The following INTS1 variants were observed in gnomAD, a reference collection of about 807,000 sequenced individuals.
INTS1 encodes integrator complex subunit 1.
Under a neutral mutation model 241.6 loss-of-function variants are expected in INTS1, and 137 were observed. That is an observed-to-expected ratio of 0.57 (90% confidence interval 0.49 to 0.65). The LOEUF is 0.65. Among genes scored for constraint, INTS1 ranks in the 30% least tolerant of loss-of-function variants. INTS1 has a pLI of 0.00. For synonymous variants in INTS1, 1,692 were observed against 1,337.8 expected (o/e 1.26, Z -5.78); for missense variants, 3,073 against 3,032.2 (o/e 1.01, Z -0.32).
At chr7:1,473,215 G>C (rs1781554662) in intron 42 of INTS1, 31 bp from the exon 43 acceptor site, 3 of 1,507,032 alleles carry the variant, frequency 2.0e-6, no homozygotes, top group Non-Finnish European at 2.8e-6. Context: ...CACCTGGGAG[G>C]AAGACGCTGG....
rs371841212 is a variant in INTS1, at chr7:1,477,417, GACA to G, written c.4938+130_4938+132del. Reference sequence around the variant, plus strand: ...TACCCTTCCTCTGGGTTGCTACAGGGACACATGGCCTGAGAGCAGGGGGGGTGC... The same window carrying G: ...TACCCTTCCTCTGGGTTGCTACAGGGCATGGCCTGAGAGCAGGGGGGGTGC... On this transcript the variant is annotated intron_variant, in intron 35 of 47. Transcript: ENST00000404767. 433 of 1,049,704 alleles carry G rather than the reference GACA, an allele frequency of 4.1e-4. 9 individuals carry two copies. In the East Asian group the frequency reaches 8.0e-3, roughly 19 times the overall value. The allele number at this position is 1,049,704 out of a possible 1,614,324, so 65.0% of individuals were successfully genotyped here. A position where few individuals can be genotyped will look rare whatever the true frequency, so the allele number is the denominator to read the frequency against.
Position 1,484,138 on chromosome 7 carries a change from G to A in INTS1, c.3294C>T (p.Thr1098=), listed in dbSNP as rs1782133053. The change falls in exon 25 of 48, where the codon ACC becomes ACT. Residue 1098 remains threonine (T), a synonymous_variant. Transcript: ENST00000404767. Reference sequence around the variant, plus strand: ...GCTTCGAGAAGAGGTGGGACATGATGGTGGAGCGCTCCACGACCAGCCGGG... The same window carrying A: ...GCTTCGAGAAGAGGTGGGACATGATAGTGGAGCGCTCCACGACCAGCCGGG... The part of the protein sequence containing the change: ...DVARLVVERS[T]IMSHLFSKLS... 1.9e-6 allele frequency: 3 copies of A among 1,611,802 alleles called. No individual in the cohort carries two copies. Among genetic ancestry groups the A allele is most frequent in the Non-Finnish European group, 2.5e-6 (3 of 1,179,682 alleles).
In INTS1 at chr7:1,503,194, G is replaced by A. The variant is rs1783279939; in HGVS notation, c.59-3C>T. 4 of 1,523,052 alleles carry A rather than the reference G, an allele frequency of 2.6e-6. No homozygotes were observed. In the Admixed American group the frequency reaches 8.8e-5, roughly 34 times the overall value. 94.3% of individuals were successfully genotyped at this position (1,523,052 alleles called of 1,614,324 possible). A position where few individuals can be genotyped will look rare whatever the true frequency, so the allele number is the denominator to read the frequency against. On this transcript the variant is annotated splice_region_variant and splice_polypyrimidine_tract_variant and intron_variant, in intron 2 of 47. Transcript: ENST00000404767. ...GAAGTCTCCTGGGGGAGGGTGCCCT[G>A]CAGAGAAAGGAGAGAGAAAACCGGG...
At chr7:1,472,409 C>A in intron 43 of INTS1, 23 bp from the exon 44 acceptor site, 1 of 1,495,012 alleles carries the variant, frequency 6.7e-7, no homozygotes, top group Non-Finnish European at 9.0e-7. Context: ...GGCAGTGCTG[C>A]AGGAGGGCGG....
chr7:1,503,548 G>C (rs565568046), intron 2 of INTS1, among the ~76,000 whole-genome samples: 1 of 152,364 alleles, frequency 6.6e-6, no homozygotes, highest in South Asian at 2.1e-4. Flanking sequence ...CAGCAGGCGA[G>C]TGGCAAAGTC....
At position 1,493,096 on chromosome 7, in the gene INTS1, C is replaced by G. The variant is rs762086646; in HGVS notation, c.2079G>C (p.Val693=). 45 of 1,613,176 alleles carry G rather than the reference C, an allele frequency of 2.8e-5. No individual in the cohort carries two copies. In the Middle Eastern group the frequency reaches 6.6e-4, roughly 24 times the overall value. The change falls in exon 16 of 48, where the codon GTG becomes GTC. Residue 693 remains valine, a synonymous_variant. Transcript: ENST00000404767. This position sits in a 1 kb window ranked among gnomAD's most constrained non-coding sequence, Gnocchi z 5.3. ...TCAGCTGGGTCCTCCCCACCTTCAG[C>G]ACCTCCACATCTAAGACCAAGAGCC... ...AAAVQADDVE[V]LKVGRTQLID... is the part of the protein sequence containing the mutation.
rs186598479 is a variant in INTS1 at position 1,493,505 on chromosome 7, T to C, written c.2068+249A>G. Among the ~76,000 whole-genome samples the C allele has an allele frequency of 3.2e-3, 492 of 151,732 alleles. 1 individual carries two copies. Among genetic ancestry groups the C allele is most frequent in the Admixed American group, 5.4e-3 (83 of 15,260 alleles). On this transcript the variant is annotated intron_variant, in intron 15 of 47. Coordinates refer to ENST00000404767, the MANE Select transcript of INTS1 (RefSeq NM_001080453.3). This position sits in a 1 kb window ranked among gnomAD's most constrained non-coding sequence, Gnocchi z 5.3. ...GGCCGTGGCCAAATCACACCGAGAA[T>C]GCCAATTCCAAAAAATGTGCAAATT...
rs1782323751 is a variant in INTS1, at chr7:1,487,391, A to C, written c.2575T>G (p.Ser859Ala). The C allele has an allele frequency of 2.5e-6, 4 of 1,611,736 alleles. No individual in the cohort carries two copies. In the East Asian group the frequency reaches 8.9e-5, roughly 36 times the overall value. Residue 859 changes from serine (S) to alanine (A), a missense_variant, in exon 20 of 48, where the codon TCC becomes GCC. Coordinates refer to ENST00000404767, the MANE Select transcript of INTS1 (RefSeq NM_001080453.3). Reference sequence around the variant, plus strand: ...CACAAGAGGTGCCCGAGGCGGAGGGACTGGTTGAGGCTTTTCACTTGATCC... The same window carrying C: ...CACAAGAGGTGCCCGAGGCGGAGGGCCTGGTTGAGGCTTTTCACTTGATCC... The part of the protein sequence containing the change: ...ILDQVKSLNQ[S>A]LRLGHLLCRS...
Position 1,500,156 on chromosome 7 carries a change from G to A in INTS1, c.546+14C>T, listed in dbSNP as rs556536026. ...CCAGCGCTGCTCGCCTCCTGCCAGG[G>A]GCCCGGCTCAAACCTCAATGACGCC... On this transcript the variant is annotated intron_variant, in intron 4 of 47. Transcript: ENST00000404767. 1.3e-6 allele frequency: 2 copies of A among 1,581,916 alleles called. No individual in the cohort carries two copies. Among genetic ancestry groups the A allele is most frequent in the Non-Finnish European group, 1.7e-6 (2 of 1,158,162 alleles).
chr7:1,486,269 A>T (rs996760019), intron 22 of INTS1, among the ~76,000 whole-genome samples: 56 of 133,484 alleles, frequency 4.2e-4, no homozygotes, highest in Non-Finnish European at 7.9e-4. Flanking sequence ...TCATTTATTT[A>T]TTTTTTTTTT....
At position 1,478,805 on chromosome 7, in the gene INTS1, A is replaced by T. The variant is rs759656994; in HGVS notation, c.4410T>A (p.Pro1470=). The part of the protein sequence containing the change: ...LLQMLQWLDS[P]GVEGGPLRAQ... ...CCCGCAGGGGCCCGCCCTCCACGCCAGGGCTGTCCAGCCACTGCAGCATCT... is the reference window on the plus strand; with the variant it reads ...CCCGCAGGGGCCCGCCCTCCACGCCTGGGCTGTCCAGCCACTGCAGCATCT... Residue 1470 remains proline (P), a synonymous_variant, in exon 32 of 48, where the codon CCT becomes CCA. Coordinates refer to ENST00000404767, the MANE Select transcript of INTS1 (RefSeq NM_001080453.3). 4 of 1,607,606 alleles carry T rather than the reference A, an allele frequency of 2.5e-6. No homozygotes were observed. The highest frequency in any genetic ancestry group is 2.2e-5 in the South Asian group (2 of 90,126).
In INTS1 at chr7:1,476,853, G is replaced by A. The variant is rs373790659; in HGVS notation, c.5004C>T (p.Ser1668=). Residue 1668 remains serine, a synonymous_variant, in exon 36 of 48, where the codon TCC becomes TCT. Transcript: ENST00000404767. ...TGCACTGGTGCAGTGTGGGCCAGCT[G>A]GACTGATGCGTGAAGAGGGTCAGGA... ...PYLLTLFTHQ[S]SWPTLHQCIR... 48 of 1,612,812 alleles carry A rather than the reference G, an allele frequency of 3.0e-5. No homozygotes were observed. The African/African-American group carries it at 4.5e-4, about 15-fold the overall frequency.
Position 1,477,683 on chromosome 7 carries a change from G to A in INTS1, c.4815-10C>T, listed in dbSNP as rs747571792. ...CCGCACGGCCTCCAGGCTGCAGGGA[G>A]AAGGTGGCTCAGGGAAGGGCTGGTG... On this transcript the variant is annotated splice_polypyrimidine_tract_variant and intron_variant, in intron 34 of 47. Coordinates refer to ENST00000404767, the MANE Select transcript of INTS1 (RefSeq NM_001080453.3). The A allele has an allele frequency of 1.9e-6, 3 of 1,599,278 alleles. No homozygotes were observed. Among genetic ancestry groups the A allele is most frequent in the Admixed American group, 1.7e-5 (1 of 58,708 alleles).
intron 30 of INTS1, 38 bp from the exon 31 acceptor site, chr7:1,479,722 G>T: frequency 7.2e-7 from 1 of 1,385,258 alleles, no homozygotes; most frequent in Non-Finnish European, 9.5e-7. Context: ...GGAAGCGGAG[G>T]AGAAGGAGGA....
Position 1,486,527 on chromosome 7 carries a change from A to G in INTS1, c.2976+98T>C, listed in dbSNP as rs552116241. 3.6e-6 allele frequency: 5 copies of G among 1,384,080 alleles called. No individual in the cohort carries two copies. The East Asian group carries it at 1.3e-4, about 35-fold the overall frequency. The allele number at this position is 1,384,080 out of a possible 1,614,324, so 85.7% of individuals were successfully genotyped here. On this transcript the variant is annotated intron_variant, in intron 22 of 47. Coordinates refer to ENST00000404767, the MANE Select transcript of INTS1 (RefSeq NM_001080453.3). The stretch of plus-strand genomic sequence containing the variant: ...TAATCTGCCTGCCTTGGCCTCCCAA[A>G]GTGCTGGGATGACAGGCGTGAGCCA...
At chr7:1,490,772 T>C (rs369546463) in intron 16 of INTS1, among the ~76,000 whole-genome samples, 1 of 152,142 alleles carries the variant, frequency 6.6e-6, no homozygotes, top group East Asian at 1.9e-4. Flanking sequence ...GCCAAAACAA[T>C]CCTGGGAAAG....
intron 19 of INTS1, 114 bp from the exon 20 acceptor site, chr7:1,487,563 C>A: frequency 1.4e-6 from 2 of 1,381,452 alleles, no homozygotes; most frequent in Non-Finnish European, 9.8e-7. Context: ...GACGGGCAAC[C>A]CATCCTGACC....
At chr7:1,498,940 C>CCCT in intron 8 of INTS1, 35 bp downstream of exon 8, 1 of 1,381,890 alleles carries the variant, frequency 7.2e-7, no homozygotes, top group Admixed American at 2.1e-5. Context: ...GCCCCCACCC[C>CCCT]CTGCCCCGCC....
At chr7:1,482,020 C>CG (rs1279552642) in intron 27 of INTS1, among the ~76,000 whole-genome samples, 2 of 152,128 alleles carry the variant, frequency 1.3e-5, no homozygotes, top group Admixed American at 1.3e-4. Flanking sequence ...CGGTGGCTTC[C>CG]GGGGGCACAC....
Sources: gnomAD v4.1 joint callset for allele counts (sites outside exome capture counted in the v4.1 genomes callset) on GRCh38, gnomAD v4.1.1 for gene constraint, Gnocchi (gnomAD v3.1) non-coding constraint, MANE v1.5 for transcripts, NCBI Gene and HGNC (gene_info 2026-07-23, HGNC 2026-07-21) for gene names.